Variants in SLX4 observed in about 807,000 individuals in gnomAD.
The protein encoded by SLX4 is structure-specific endonuclease subunit SLX4.
SLX4 carries 112 observed loss-of-function variants against 146.2 expected under a neutral mutation model. The ratio of observed to expected loss-of-function variants is 0.77; its 90% CI spans 0.66 to 0.90. The LOEUF is 0.90. Ranked by LOEUF, SLX4 falls within the 40% of genes least tolerant of loss-of-function variation. The pLI, the probability that SLX4 is intolerant of heterozygous loss-of-function variation, is 0.00. For missense variants in SLX4, 2,563 were observed against 2,392.7 expected (o/e 1.07, Z -1.49); for synonymous variants, 1,061 against 997.7 (o/e 1.06, Z -1.20).
At chr16:3,608,029 C>A (rs1405288571) in intron 2 of SLX4, among the ~76,000 whole-genome samples, 2 of 152,180 alleles carry the variant, frequency 1.3e-5, no homozygotes, top group Non-Finnish European at 2.9e-5. Flanking sequence ...GTTGTTTAAA[C>A]CAGGAGTCAG....
chr16:3,592,763 G>T lies in SLX4; in HGVS notation c.2263C>A (p.Leu755Ile). Residue 755 changes from leucine (L) to isoleucine (I), a missense_variant, in exon 11 of 15, where the codon CTC (leucine) becomes ATC (isoleucine). Physicochemically the swap from Leu to Ile is conservative, Grantham distance 5 (BLOSUM62 2). Transcript: ENST00000294008. ...GGAAGGCCAGTGTCCGCAGTGTAGA[G>T]ATAGTGCAGGAACGTGCGGGCGGCC... ...TEAARTFLHY[L>I]YTADTGLPPG... 1 of 1,613,150 alleles carries T rather than the reference G, an allele frequency of 6.2e-7. No homozygotes were observed. The highest frequency in any genetic ancestry group is 8.5e-7 in the Non-Finnish European group (1 of 1,180,018).
At chr16:3,582,981 CAGA>C in intron 14 of SLX4, 113 bp downstream of exon 14, 9 of 1,386,674 alleles carry the variant, frequency 6.5e-6, no homozygotes, top group Non-Finnish European at 9.2e-6. Flanking sequence ...AGGTCAAACC[CAGA>C]AGGTGACGGG....
At position 3,601,356 on chromosome 16, in the gene SLX4, A is replaced by G. The variant is rs112516455; in HGVS notation, c.951-165T>C. On this transcript the variant is annotated intron_variant, in intron 4 of 14. Coordinates refer to ENST00000294008, the MANE Select transcript of SLX4 (RefSeq NM_032444.4). The stretch of plus-strand genomic sequence containing the variant: ...GTCTCCCGGCAGTCAGCCCCTAGAC[A>G]CTACACTTAGGTATCTGTCAGCAAA... 1,023 of 700,026 alleles carry G rather than the reference A, an allele frequency of 1.5e-3. 5 individuals are homozygous for G. The highest frequency in any genetic ancestry group is 7.1e-3 in the Middle Eastern group (19 of 2,684). The allele number at this position is 700,026 out of a possible 1,614,324, so 43.4% of individuals were successfully genotyped here.
At chr16:3,598,188 G>T (rs2040687881) in intron 5 of SLX4, among the ~76,000 whole-genome samples, 189 bp from the exon 6 acceptor site, 1 of 152,154 alleles carries the variant, frequency 6.6e-6, no homozygotes, top group African/African-American at 2.4e-5. Context: ...GTTCAACATG[G>T]CCCAGGCACA....
At chr16:3,593,230 C>T (rs1712821539) in intron 10 of SLX4, among the ~76,000 whole-genome samples, 1 of 152,142 alleles carries the variant, frequency 6.6e-6, no homozygotes, top group South Asian at 2.1e-4. Flanking sequence ...CACCACCATG[C>T]CCGGCTAATT....
At chr16:3,593,507 C>A (rs1193895919) in intron 10 of SLX4, among the ~76,000 whole-genome samples, 1 of 152,214 alleles carries the variant, frequency 6.6e-6, no homozygotes, top group African/African-American at 2.4e-5. Flanking sequence ...CATGAGCCGC[C>A]GTGCCTGGTC....
Position 3,590,304 on chromosome 16 carries a change from T to G in SLX4, c.3334A>C (p.Lys1112Gln), listed in dbSNP as rs570382990. The G allele has an allele frequency of 6.8e-5, 110 of 1,614,040 alleles. 1 individual carries two copies. In the South Asian group the frequency reaches 1.1e-3, roughly 16 times the overall value. ...ERRSVLECRN[K>Q]GVLMFPEKSP... ...TTTTCTGGGAACATCAGGACCCCCT[T>G]ATTTCTGCACTCCAGCACGGACCGA... Residue 1112 changes from lysine to glutamine, a missense_variant, in exon 12 of 15, where the codon AAG becomes CAG. By Grantham distance (53) the Lys-to-Gln change is moderately conservative. Transcript: ENST00000294008. The surrounding 1 kb of genome is among the most constrained non-coding windows in gnomAD (Gnocchi z 4.8).
rs777602041 is a variant in SLX4, at chr16:3,583,141, C to T, written c.5109G>A (p.Val1703=). 1 of 1,614,134 alleles carries T rather than the reference C, an allele frequency of 6.2e-7. No homozygotes were observed. Among genetic ancestry groups the T allele is most frequent in the African/African-American group, 1.3e-5 (1 of 74,952 alleles). Residue 1703 remains valine (V), a synonymous_variant, in exon 14 of 15, where the codon GTG becomes GTA. Coordinates refer to ENST00000294008, the MANE Select transcript of SLX4 (RefSeq NM_032444.4). Reference sequence around the variant, plus strand: ...TGTCACTGCCATCCACAGAGGTGGCCACGGATTCTTGAGAGGCTGGGATCT... The same window carrying T: ...TGTCACTGCCATCCACAGAGGTGGCTACGGATTCTTGAGAGGCTGGGATCT... The part of the protein sequence containing the change: ...DAQIPASQES[V]ATSVDGSDSS...
chr16:3,590,987 C>A lies in SLX4; in HGVS notation c.2651G>T (p.Ser884Ile), dbSNP rs917912341. ...TGCTAGGAGTTGCCCAGAAACCGGA[C>A]TGCCACCCTCCAGCCAGTCAGCGTC... ...GEDADWLEGG[S>I]PVSGQLLAGV... The change falls in exon 12 of 15, where the codon AGT becomes ATT. Residue 884 changes from serine (S) to isoleucine (I), a missense_variant. By Grantham distance (142) the Ser-to-Ile change is moderately radical. Coordinates refer to ENST00000294008, the MANE Select transcript of SLX4 (RefSeq NM_032444.4). The surrounding 1 kb of genome is among the most constrained non-coding windows in gnomAD (Gnocchi z 4.8). 2 of 1,614,112 alleles carry A rather than the reference C, an allele frequency of 1.2e-6. No individual in the cohort carries two copies. Among genetic ancestry groups the A allele is most frequent in the African/African-American group, 1.3e-5 (1 of 74,954 alleles).
At chr16:3,594,850 G>T (rs1260237417) in intron 9 of SLX4, among the ~76,000 whole-genome samples, 1 of 152,222 alleles carries the variant, frequency 6.6e-6, no homozygotes, top group Non-Finnish European at 1.5e-5. Flanking sequence ...GGCCCCCGTG[G>T]AGATGCCAGA....
At chr16:3,599,935 A>G (rs1424931181) in intron 5 of SLX4, among the ~76,000 whole-genome samples, 1 of 152,198 alleles carries the variant, frequency 6.6e-6, no homozygotes, top group Non-Finnish European at 1.5e-5. Flanking sequence ...TAACAGTGTG[A>G]AAACTGGACT....
chr16:3,594,697 C>T, intron 9 of SLX4, 98 bp from the exon 10 acceptor site: 2 of 1,546,294 alleles, frequency 1.3e-6, no homozygotes, highest in Non-Finnish European at 1.8e-6. Flanking sequence ...CTAGGGTGGG[C>T]CGGGAGCCAG....
intron 8 of SLX4, 79 bp from the exon 9 acceptor site, chr16:3,595,772 G>A: frequency 6.5e-7 from 1 of 1,533,092 alleles, no homozygotes; most frequent in Non-Finnish European, 9.0e-7. Flanking sequence ...TTGACCACAG[G>A]CTGAGCCAGC....
At chr16:3,584,734 A>C (rs757670956) in intron 13 of SLX4, 35 bp downstream of exon 13, 1 of 1,512,994 alleles carries the variant, frequency 6.6e-7, no homozygotes, top group Non-Finnish European at 9.2e-7. Flanking sequence ...GAGGGAAAAG[A>C]CCACTGTGGG....
At position 3,589,425 on chromosome 16, in the gene SLX4, C is replaced by A. The variant is rs2151121826; in HGVS notation, c.4213G>T (p.Ala1405Ser). Reference protein sequence around the residue: ...VGDSDDEQEVASHQANRSPPL... With the variant: ...VGDSDDEQEVSSHQANRSPPL... ...GGGCTTCTGTTGGCCTGATGGGAGG[C>A]CACCTCCTGCTCATCGTCACTGTCT... Residue 1405 changes from alanine to serine, a missense_variant, in exon 12 of 15, where the codon GCC becomes TCC. By Grantham distance (99) the Ala-to-Ser change is moderately conservative. Coordinates refer to ENST00000294008, the MANE Select transcript of SLX4 (RefSeq NM_032444.4). This position sits in a 1 kb window ranked among gnomAD's most constrained non-coding sequence, Gnocchi z 6.2. The A allele has an allele frequency of 6.2e-7, 1 of 1,602,556 alleles. No individual in the cohort carries two copies. The highest frequency in any genetic ancestry group is 8.5e-7 in the Non-Finnish European group (1 of 1,171,372).
At chr16:3,600,866 G>T in intron 5 of SLX4, 113 bp downstream of exon 5, 1 of 1,157,336 alleles carries the variant, frequency 8.6e-7, no homozygotes, top group Non-Finnish European at 1.3e-6. Flanking sequence ...AAAGTGCTGC[G>T]ATTACAGGTG....
chr16:3,598,549 G>A (rs989938739), intron 5 of SLX4, among the ~76,000 whole-genome samples: 8 of 152,196 alleles, frequency 5.3e-5, no homozygotes, highest in Non-Finnish European at 1.0e-4. Flanking sequence ...GCAGCAGCTC[G>A]TTTGGTTTGG....
chr16:3,589,972 C>A lies in SLX4; in HGVS notation c.3666G>T (p.Leu1222=). ...TGCCCAAAGAGCCCCGATTCTCCGG[C>A]AGCGCCCCCTCATCCTCCTGCTGCA... The part of the protein sequence containing the change: ...AVLQQEDEGA[L]PENRGSLGRR... Residue 1222 remains leucine (L), a synonymous_variant, in exon 12 of 15, where the codon CTG becomes CTT. Transcript: ENST00000294008. The surrounding 1 kb of genome is among the most constrained non-coding windows in gnomAD (Gnocchi z 6.2). 1 of 1,613,976 alleles carries A rather than the reference C, an allele frequency of 6.2e-7. No homozygotes were observed. Among genetic ancestry groups the A allele is most frequent in the South Asian group, 1.1e-5 (1 of 91,076 alleles).
intron 3 of SLX4, 66 bp downstream of exon 3, chr16:3,606,408 C>T (rs549735528): frequency 3.9e-4 from 602 of 1,558,912 alleles, no homozygotes; most frequent in Middle Eastern, 1.2e-3. Context: ...GATTCCTTCC[C>T]GCCTCCCTTC....
Sources: allele counts gnomAD v4.1 joint callset (sites outside exome capture counted in the v4.1 genomes callset), GRCh38; gene constraint gnomAD v4.1.1; non-coding constraint Gnocchi (gnomAD v3.1); transcripts MANE v1.5; gene names NCBI Gene and HGNC (gene_info 2026-07-23, HGNC 2026-07-21).